AEBP2: variants seen among roughly 807,000 people sequenced by gnomAD.
AEBP2 encodes the protein zinc finger protein AEBP2.
In AEBP2, 10 loss-of-function variants were observed where a neutral mutation model predicts 50.8. That is an observed-to-expected ratio of 0.20 (90% CI 0.12 to 0.33). The LOEUF is 0.33. Ranked by LOEUF, AEBP2 falls within the 10% of genes least tolerant of loss-of-function variation. The pLI is 1.00. For missense variants in AEBP2, 570 were observed against 688.0 expected (o/e 0.83, Z 1.92); for synonymous variants, 296 against 261.3 (o/e 1.13, Z -1.28).
chr12:19,455,002 G>C (rs1172917522), intron 1 of AEBP2, among the ~76,000 whole-genome samples: 2 of 150,342 alleles, frequency 1.3e-5, no homozygotes, highest in Non-Finnish European at 3.0e-5. Context: ...GTGGTTCTCA[G>C]ATTTTTTTTT....
At chr12:19,424,490 G>C in intron 1 of AEBP2, among the ~76,000 whole-genome samples, 1 of 151,646 alleles carries the variant, frequency 6.6e-6, no homozygotes, top group Non-Finnish European at 1.5e-5. Flanking sequence ...TCTGCCTCCC[G>C]GGTTCACGCC....
At chr12:19,424,691 C>T (rs914333217) in intron 1 of AEBP2, among the ~76,000 whole-genome samples, 4 of 151,946 alleles carry the variant, frequency 2.6e-5, no homozygotes, top group Non-Finnish European at 4.4e-5. Context: ...CCACCGCGCC[C>T]GGCCTAAGAT....
chr12:19,482,455 G>A lies in AEBP2; in HGVS notation c.987+9100G>A, dbSNP rs567720224. 7.2e-5 allele frequency among the ~76,000 whole-genome samples: 11 copies of A among 152,342 alleles called. No homozygotes were observed. The South Asian group carries it at 2.3e-3, about 32-fold the overall frequency. On this transcript the variant is annotated intron_variant, in intron 3 of 7. Transcript: ENST00000266508. The stretch of plus-strand genomic sequence containing the variant: ...CTGGTTGGCCAGGATGTCGCAGGCA[G>A]TGGAATTAGCTGTTGTTTTCCGCTT...
At chr12:19,408,290 C>T (rs538844347) in intron 1 of AEBP2, among the ~76,000 whole-genome samples, 8 of 151,966 alleles carry the variant, frequency 5.3e-5, no homozygotes, top group Non-Finnish European at 1.0e-4. Flanking sequence ...GGTGTGCTGG[C>T]TCATGCCTGT....
Position 19,514,723 on chromosome 12 carries a change from G to A in AEBP2, c.1420G>A (p.Val474Ile). The A allele has an allele frequency of 6.2e-7, 1 of 1,611,606 alleles. No homozygotes were observed. The highest frequency in any genetic ancestry group is 8.5e-7 in the Non-Finnish European group (1 of 1,178,964). ...ESERHQLKTK[V>I]VHLSKLPKDT... ...TGAACGACATCAGTTAAAAACTAAA[G>A]TAGTTCATTTATCAAAGCTACCCAA... The change falls in exon 7 of 8, where the codon GTA becomes ATA. Residue 474 changes from valine (V) to isoleucine (I), a missense_variant. By Grantham distance (29) the Val-to-Ile change is conservative. This residue lies in a region of AEBP2 where 184 missense variants were observed against 351.2 expected (regional missense o/e 0.52). Coordinates refer to ENST00000266508, the MANE Select transcript of AEBP2 (RefSeq NM_153207.5).
intron 2 of AEBP2, among the ~76,000 whole-genome samples, chr12:19,470,279 TC>T (rs1592745163): frequency 6.6e-6 from 1 of 152,066 alleles, no homozygotes; most frequent in East Asian, 1.9e-4. Flanking sequence ...TGCCTCAGCC[TC>T]CTGAGTAGCT....
At chr12:19,448,951 A>C (rs1158230357) in intron 1 of AEBP2, among the ~76,000 whole-genome samples, 2 of 152,294 alleles carry the variant, frequency 1.3e-5, no homozygotes, top group East Asian at 3.9e-4. Flanking sequence ...AAGTGCAGGG[A>C]TTACAGGTGT....
chr12:19,509,176 C>A, intron 5 of AEBP2: 1 of 412,738 alleles, frequency 2.4e-6, no homozygotes, highest in Non-Finnish European at 4.6e-6. Flanking sequence ...GTGACAGGAT[C>A]AAACATGCTT....
chr12:19,500,686 A>G (rs1011547652), intron 5 of AEBP2, among the ~76,000 whole-genome samples: 1 of 152,190 alleles, frequency 6.6e-6, no homozygotes, highest in Non-Finnish European at 1.5e-5. Context: ...TATATTTGCT[A>G]TCAGAGCTTC....
At chr12:19,466,968 C>A in intron 2 of AEBP2, 1 of 245,638 alleles carries the variant, frequency 4.1e-6, no homozygotes, top group Non-Finnish European at 6.5e-6. Flanking sequence ...GTTTTTTTCC[C>A]CCTTTTAAGT....
At chr12:19,447,687 TTA>T (rs10560169) in intron 1 of AEBP2, among the ~76,000 whole-genome samples, 126,479 of 152,010 alleles carry the variant, frequency 0.83, 52,915 homozygotes, top group African/African-American at 0.91. Context: ...GTAGAGTCAT[TTA>T]TATATCCCCA....
intron 1 of AEBP2, among the ~76,000 whole-genome samples, chr12:19,424,398 T>C (rs948175656): frequency 5.3e-5 from 8 of 152,020 alleles, no homozygotes; most frequent in East Asian, 2.0e-4. Flanking sequence ...TAAGATGTCT[T>C]TTTTTCTTTT....
At chr12:19,492,578 TA>T (rs900728019) in intron 3 of AEBP2, among the ~76,000 whole-genome samples, 39 of 151,550 alleles carry the variant, frequency 2.6e-4, no homozygotes, top group Non-Finnish European at 4.4e-4. Flanking sequence ...AAAATATAAA[TA>T]AAAAAACAAA....
chr12:19,444,042 C>T (rs923848598), intron 1 of AEBP2, among the ~76,000 whole-genome samples: 5 of 152,028 alleles, frequency 3.3e-5, no homozygotes, highest in South Asian at 2.1e-4. Context: ...TATGTGAAAC[C>T]GCTAAAAACT....
At chr12:19,407,561 C>A (rs1425997610) in intron 1 of AEBP2, among the ~76,000 whole-genome samples, 4 of 152,120 alleles carry the variant, frequency 2.6e-5, no homozygotes, top group Non-Finnish European at 5.9e-5. Flanking sequence ...CTTGGCCTCC[C>A]AAAGTGCTGG....
chr12:19,445,224 G>T, intron 1 of AEBP2, among the ~76,000 whole-genome samples: 1 of 141,892 alleles, frequency 7.0e-6, no homozygotes, highest in African/African-American at 2.6e-5. Flanking sequence ...TTTGATATAG[G>T]GTCTCACTCT....
chr12:19,417,750 G>A (rs1216974885), intron 1 of AEBP2, among the ~76,000 whole-genome samples: 2 of 151,168 alleles, frequency 1.3e-5, no homozygotes, highest in African/African-American at 2.4e-5. Flanking sequence ...TGTTGCTTAG[G>A]CTGGAGTGCA....
At chr12:19,440,718 G>C (rs1446872549) in intron 1 of AEBP2, 1 of 1,533,486 alleles carries the variant, frequency 6.5e-7, no homozygotes, top group South Asian at 1.2e-5. Flanking sequence ...TACACACGTC[G>C]GTACTCAAGG....
At chr12:19,431,650 A>C (rs533224507) in intron 1 of AEBP2, among the ~76,000 whole-genome samples, 1 of 152,344 alleles carries the variant, frequency 6.6e-6, no homozygotes, top group Non-Finnish European at 1.5e-5. Flanking sequence ...ATAGACTTTA[A>C]CTCAAAAACT....
Sources: allele counts gnomAD v4.1 joint callset (sites outside exome capture counted in the v4.1 genomes callset), GRCh38; gene constraint gnomAD v4.1.1; regional missense constraint gnomAD v4.1.1; transcripts MANE v1.5; gene names NCBI Gene and HGNC (gene_info 2026-07-23, HGNC 2026-07-21).